COL9A1: variants seen among roughly 807,000 people sequenced by gnomAD.
COL9A1 encodes collagen type IX alpha 1 chain.
A neutral mutation model predicts 142.6 loss-of-function variants in COL9A1; 104 were observed. That is an observed-to-expected ratio of 0.73 (90% confidence interval 0.62 to 0.86). The LOEUF (loss-of-function observed/expected upper bound fraction) is 0.86, where lower values mean the gene tolerates loss of function less well. Ranked by LOEUF, COL9A1 falls within the 40% of genes least tolerant of loss-of-function variation. The pLI is 0.00. For missense variants in COL9A1, 1,210 were observed against 1,176.6 expected (o/e 1.03, Z -0.42); for synonymous variants, 466 against 396.0 (o/e 1.18, Z -2.10).
chr6:70,242,302 A>AC, intron 29 of COL9A1: 1 of 576,108 alleles, frequency 1.7e-6, no homozygotes, highest in South Asian at 2.0e-5. Context: ...AGCCCCCGCC[A>AC]CCCCCGCACT....
At chr6:70,274,183 G>T in intron 11 of COL9A1, 101 bp from the exon 12 acceptor site, 2 of 917,230 alleles carry the variant, frequency 2.2e-6, no homozygotes, top group South Asian at 1.8e-5. Flanking sequence ...CCCCATTATG[G>T]TGTTTTTTTT....
At chr6:70,286,744 T>C (rs1432866340) in intron 5 of COL9A1, among the ~76,000 whole-genome samples, 1 of 152,186 alleles carries the variant, frequency 6.6e-6, no homozygotes, top group African/African-American at 2.4e-5. Flanking sequence ...TTAGAAAATT[T>C]CCTAATTCTA....
chr6:70,245,463 T>C (rs1770533865), intron 28 of COL9A1, among the ~76,000 whole-genome samples: 2 of 152,184 alleles, frequency 1.3e-5, no homozygotes, highest in East Asian at 1.9e-4. Flanking sequence ...ACCACAAGTG[T>C]GCTAAATAAA....
intron 25 of COL9A1, among the ~76,000 whole-genome samples, chr6:70,254,101 T>C (rs570928603): frequency 6.6e-6 from 1 of 152,264 alleles, no homozygotes; most frequent in South Asian, 2.1e-4. Context: ...GTCACCTGAG[T>C]ATACTCTCAG....
chr6:70,251,047 A>C (rs774715584), intron 28 of COL9A1, among the ~76,000 whole-genome samples: 2 of 152,224 alleles, frequency 1.3e-5, no homozygotes, highest in Non-Finnish European at 2.9e-5. Context: ...TCATAGCAGC[A>C]CTTTTCATAA....
At chr6:70,262,714 C>T (rs1048169696) in intron 19 of COL9A1, among the ~76,000 whole-genome samples, 1 of 152,118 alleles carries the variant, frequency 6.6e-6, no homozygotes, top group Admixed American at 6.5e-5. Flanking sequence ...TTTGATGATG[C>T]CCCAAATCAC....
intron 18 of COL9A1, among the ~76,000 whole-genome samples, chr6:70,265,747 CTT>C (rs1771970591): frequency 6.6e-6 from 1 of 151,982 alleles, no homozygotes; most frequent in Non-Finnish European, 1.5e-5. Context: ...TAATAAGAGA[CTT>C]TTAAAATAAA....
rs1159808577 is a variant in COL9A1, at chr6:70,216,787, TGTAATCATGCTGAAG to T, written c.*95_*109del. Reference sequence around the variant, plus strand: ...TGTAATCATACTGAAGGTAATACATTGTAATCATGCTGAAGGTAATCATCTTTGCCCCAGCTTTGG... The same window carrying T: ...TGTAATCATACTGAAGGTAATACATTGTAATCATCTTTGCCCCAGCTTTGG... On this transcript the variant is annotated 3_prime_UTR_variant, in exon 38 of 38. Transcript: ENST00000357250. 3 of 1,106,506 alleles carry T rather than the reference TGTAATCATGCTGAAG, an allele frequency of 2.7e-6. No homozygotes were observed. The African/African-American group carries it at 4.6e-5, about 17-fold the overall frequency. 68.5% of individuals were successfully genotyped at this position (1,106,506 alleles called of 1,614,324 possible).
intron 18 of COL9A1, among the ~76,000 whole-genome samples, chr6:70,265,865 T>G (rs1480295852): frequency 6.6e-6 from 1 of 152,154 alleles, no homozygotes; most frequent in Admixed American, 6.5e-5. Flanking sequence ...TATTAATGCC[T>G]GAAGACACTG....
Position 70,227,424 on chromosome 6 carries a change from T to TAAAAAAAAAAAAAAAAAAAAAA in COL9A1, c.2504-1437_2504-1416dup, listed in dbSNP as rs11407353. Among the ~76,000 whole-genome samples the TAAAAAAAAAAAAAAAAAAAAAA allele has an allele frequency of 6.6e-4, 33 of 50,022 alleles. 1 individual carries two copies. The highest frequency in any genetic ancestry group is 3.5e-3 in the African/African-American group (31 of 8,862). 32.8% of individuals were successfully genotyped at this position (50,022 alleles called of 152,430 possible). A position where few individuals can be genotyped will look rare whatever the true frequency, so the allele number is the denominator to read the frequency against. The stretch of plus-strand genomic sequence containing the variant: ...CTCATAACAAAATAAATGCAAATTG[T>TAAAAAAAAAAAAAAAAAAAAAA]AAAAAAAAAAAAAAAAAAAAAAAAG... On this transcript the variant is annotated intron_variant, in intron 36 of 37. Transcript: ENST00000357250.
chr6:70,239,230 A>G (rs1247684654), intron 33 of COL9A1, 24 bp downstream of exon 33: 2 of 1,453,794 alleles, frequency 1.4e-6, no homozygotes, highest in Non-Finnish European at 1.9e-6. Flanking sequence ...ATTTTTTTAT[A>G]CCATTACTAT....
intron 29 of COL9A1, 158 bp from the exon 30 acceptor site, chr6:70,242,193 A>C: frequency 1.4e-6 from 1 of 703,750 alleles, no homozygotes; most frequent in Non-Finnish European, 2.6e-6. Flanking sequence ...TCATATTCTC[A>C]GGAGAAGAGG....
chr6:70,258,277 G>A (rs1033239677), intron 20 of COL9A1, among the ~76,000 whole-genome samples: 6 of 152,198 alleles, frequency 3.9e-5, no homozygotes, highest in East Asian at 1.9e-4. Context: ...AAGTTGAGAT[G>A]AGAAGATGAT....
At chr6:70,241,523 T>C (rs1770259516) in intron 30 of COL9A1, 69 bp from the exon 31 acceptor site, 3 of 1,329,182 alleles carry the variant, frequency 2.3e-6, no homozygotes, top group African/African-American at 1.5e-5. Context: ...GTGAACCTTA[T>C]TGGGTGGGTG....
intron 36 of COL9A1, among the ~76,000 whole-genome samples, chr6:70,231,022 T>C (rs942636218): frequency 1.3e-5 from 2 of 152,066 alleles, no homozygotes; most frequent in Non-Finnish European, 2.9e-5. Flanking sequence ...AGTAGGAAAA[T>C]GGGCGATTGC....
At chr6:70,261,096 C>T in intron 19 of COL9A1, 1 of 188,680 alleles carries the variant, frequency 5.3e-6, no homozygotes, top group Non-Finnish European at 1.1e-5. Context: ...GATTTTAAAC[C>T]TTGAAATAAT....
intron 8 of COL9A1, 22 bp from the exon 9 acceptor site, chr6:70,281,061 A>C (rs770919468): frequency 6.2e-6 from 10 of 1,603,286 alleles, no homozygotes; most frequent in Non-Finnish European, 4.3e-6. Context: ...GGAGAAAAAG[A>C]GAGAGCAGTC....
rs183765627 is a variant in COL9A1, at chr6:70,297,063, A to G, written c.300-2500T>C. Among the ~76,000 whole-genome samples, 60 of 152,208 alleles carry G rather than the reference A, an allele frequency of 3.9e-4. No individual in the cohort carries two copies. The East Asian group carries it at 0.011, about 28-fold the overall frequency. ...TTTAGGTGACTCTTGTGAAAATACA[A>G]CCTGAAGTTAACTGAGGGAGTTCTC... On this transcript the variant is annotated intron_variant, in intron 4 of 37. Transcript: ENST00000357250.
intron 5 of COL9A1, among the ~76,000 whole-genome samples, chr6:70,288,874 A>G (rs1027828193): frequency 2.0e-5 from 3 of 152,156 alleles, no homozygotes; most frequent in Non-Finnish European, 2.9e-5. Flanking sequence ...ATGTATTTAC[A>G]GTATCTGTCT....
Sources: gnomAD v4.1 joint callset for allele counts (sites outside exome capture counted in the v4.1 genomes callset) on GRCh38, gnomAD v4.1.1 for gene constraint, MANE v1.5 for transcripts, NCBI Gene and HGNC (gene_info 2026-07-23, HGNC 2026-07-21) for gene names.